Variants in MRPL18 observed in about 807,000 individuals in gnomAD.
MRPL18 encodes the protein mitochondrial ribosomal protein L18, also known as large ribosomal subunit protein uL18m.
In MRPL18, 16 loss-of-function variants were observed where a neutral mutation model predicts 20.9. The ratio of observed to expected loss-of-function variants is 0.76; its 90% CI spans 0.52 to 1.16. The LOEUF (loss-of-function observed/expected upper bound fraction) is 1.16. Among genes scored for constraint, MRPL18 ranks in the 50% most tolerant of loss-of-function variants. The pLI is 0.00. For synonymous variants in MRPL18, 91 were observed against 87.1 expected (o/e 1.04, Z -0.25); for missense variants, 233 against 230.6 (o/e 1.01, Z -0.07).
At chr6:159,794,481 G>A (rs1780983668) in intron 2 of MRPL18, among the ~76,000 whole-genome samples, 1 of 152,186 alleles carries the variant, frequency 6.6e-6, no homozygotes, top group African/African-American at 2.4e-5. Flanking sequence ...TAAGTGCTCA[G>A]TAAATGTTAA....
Position 159,790,642 on chromosome 6 carries a change from A to C in MRPL18, c.52+3A>C. On this transcript the variant is annotated splice_donor_region_variant and intron_variant, in intron 1 of 3. Transcript: ENST00000367034. ...GTTCTCGGTTTGCAGGAACCCTGGT[A>C]ATTAGTCTTGCCCCCCTTCTCCCAG... The C allele has an allele frequency of 6.2e-7, 1 of 1,613,872 alleles. No homozygotes were observed. Among genetic ancestry groups the C allele is most frequent in the Non-Finnish European group, 8.5e-7 (1 of 1,179,940 alleles).
intron 2 of MRPL18, among the ~76,000 whole-genome samples, chr6:159,794,692 T>C (rs1780987388): frequency 6.6e-6 from 1 of 152,248 alleles, no homozygotes; most frequent in Non-Finnish European, 1.5e-5. Context: ...ATATTTTTCT[T>C]TTCTGTGAAC....
At chr6:159,794,544 G>A (rs563028184) in intron 2 of MRPL18, among the ~76,000 whole-genome samples, 2 of 152,310 alleles carry the variant, frequency 1.3e-5, no homozygotes, top group East Asian at 1.9e-4. Context: ...GTAACTGTAT[G>A]GAATACTATT....
At chr6:159,794,885 C>T (rs1780991790) in intron 2 of MRPL18, among the ~76,000 whole-genome samples, 1 of 152,180 alleles carries the variant, frequency 6.6e-6, no homozygotes, top group African/African-American at 2.4e-5. Flanking sequence ...CCGCCAGCCT[C>T]TGAGTTCCCT....
In MRPL18 at chr6:159,791,127, G is replaced by T; in HGVS notation, c.239+1G>T. Reference sequence around the variant, plus strand: ...TTCCCTCCCGTGAGTTCTGGCACAGGTAATTAAATCTGCTTGTGATTGACA... The same window carrying T: ...TTCCCTCCCGTGAGTTCTGGCACAGTTAATTAAATCTGCTTGTGATTGACA... On this transcript the variant is annotated splice_donor_variant, in intron 2 of 3. Coordinates refer to ENST00000367034, the MANE Select transcript of MRPL18 (RefSeq NM_014161.5). LOFTEE classifies it high-confidence loss of function. 6.2e-7 allele frequency: 1 copy of T among 1,614,094 alleles called. No individual in the cohort carries two copies. Among genetic ancestry groups the T allele is most frequent in the Non-Finnish European group, 8.5e-7 (1 of 1,180,004 alleles).
At chr6:159,793,275 C>G (rs1446740298) in intron 2 of MRPL18, among the ~76,000 whole-genome samples, 1 of 152,128 alleles carries the variant, frequency 6.6e-6, no homozygotes, top group African/African-American at 2.4e-5. Flanking sequence ...CATAATGAAT[C>G]GGGCCCTTCA....
At chr6:159,793,860 C>T (rs560988858) in intron 2 of MRPL18, among the ~76,000 whole-genome samples, 26 of 151,414 alleles carry the variant, frequency 1.7e-4, no homozygotes, top group African/African-American at 4.8e-4. Context: ...TGCAGTGAGC[C>T]GAGATCGCGC....
chr6:159,790,806 CTG>C, intron 1 of MRPL18, 132 bp from the exon 2 acceptor site: 1 of 1,371,354 alleles, frequency 7.3e-7, no homozygotes, highest in South Asian at 1.3e-5. Flanking sequence ...TGACTCCACC[CTG>C]TGGGCATACG....
chr6:159,798,088 GT>G lies in MRPL18; in HGVS notation c.509del (p.Val170GlyfsTer16). 3 of 1,613,902 alleles carry G rather than the reference GT, an allele frequency of 1.9e-6. No individual in the cohort carries two copies. The highest frequency in any genetic ancestry group is 2.5e-6 in the Non-Finnish European group (3 of 1,179,892). ...RLQSAMTEGG[V>X]VLREPQRIYE is the part of the protein sequence containing the mutation. ...ACAAAGTGCCATGACAGAAGGTGGT[GT>G]GGTTCTACGGGAACCTCAGAGAATC... On this transcript the variant is annotated frameshift_variant, in exon 4 of 4. Transcript: ENST00000367034. LOFTEE classifies it high-confidence loss of function.
rs1336840099 is a variant in MRPL18 at position 159,798,392 on chromosome 6, T to G, written c.*269T>G. ...TTTCAAAGGGCAAGTCAGAAGTTGTTTATAAATTACAAAATAAAGGCATAT... is the reference window on the plus strand; with the variant it reads ...TTTCAAAGGGCAAGTCAGAAGTTGTGTATAAATTACAAAATAAAGGCATAT... On this transcript the variant is annotated 3_prime_UTR_variant, in exon 4 of 4. Transcript: ENST00000367034. 2.7e-6 allele frequency: 1 copy of G among 369,188 alleles called. No homozygotes were observed. The highest frequency in any genetic ancestry group is 4.9e-6 in the Non-Finnish European group (1 of 204,654). 22.9% of individuals were successfully genotyped at this position (369,188 alleles called of 1,614,324 possible). A position where few individuals can be genotyped will look rare whatever the true frequency, so the allele number is the denominator to read the frequency against.
upstream of MRPL18, chr6:159,790,418 A>G: frequency 1.3e-6 from 1 of 764,360 alleles, no homozygotes; most frequent in Non-Finnish European, 2.1e-6. Context: ...CTTCTCGGCC[A>G]CTCAGTGGCA....
At chr6:159,793,401 G>C (rs1399854966) in intron 2 of MRPL18, among the ~76,000 whole-genome samples, 1 of 151,852 alleles carries the variant, frequency 6.6e-6, no homozygotes, top group African/African-American at 2.4e-5. Flanking sequence ...AGAATATTTT[G>C]TGGCTTGGGA....
At chr6:159,790,444 C>A (rs1339297270), upstream of MRPL18, 16 of 995,906 alleles carry the variant, frequency 1.6e-5, no homozygotes, top group Admixed American at 4.2e-5. Flanking sequence ...CTTGCTACTT[C>A]CGGGTCGGTG....
rs747997437 is a variant in MRPL18 at position 159,790,542 on chromosome 6, G to A, written c.-46G>A. ...GCTGCTCCTGGCGAGCGACTGAGTCGTCCGTGAGGAAAAAGAGGCGAGGCT... is the reference window on the plus strand; with the variant it reads ...GCTGCTCCTGGCGAGCGACTGAGTCATCCGTGAGGAAAAAGAGGCGAGGCT... On this transcript the variant is annotated 5_prime_UTR_variant, in exon 1 of 4. Transcript: ENST00000367034. The A allele has an allele frequency of 1.9e-6, 3 of 1,613,808 alleles. No homozygotes were observed. The highest frequency in any genetic ancestry group is 2.2e-5 in the South Asian group (2 of 91,078).
At position 159,797,621 on chromosome 6, in the gene MRPL18, TG is replaced by T. The variant is rs1392514962; in HGVS notation, c.471+104del. 5.3e-5 allele frequency: 57 copies of T among 1,067,406 alleles called. 1 individual carries two copies. The South Asian group carries it at 7.7e-4, about 14-fold the overall frequency. 66.1% of individuals were successfully genotyped at this position (1,067,406 alleles called of 1,614,324 possible). A position where few individuals can be genotyped will look rare whatever the true frequency, so the allele number is the denominator to read the frequency against. ...GTTTTTACTTACCAAATACTTTCCA[TG>T]TGTCAGACCCTTTGGTGAGTACTCA... is the stretch of plus-strand genomic sequence containing the variant. On this transcript the variant is annotated intron_variant, in intron 3 of 3. Coordinates refer to ENST00000367034, the MANE Select transcript of MRPL18 (RefSeq NM_014161.5).
At chr6:159,796,502 A>G (rs1436714405) in intron 2 of MRPL18, among the ~76,000 whole-genome samples, 1 of 151,300 alleles carries the variant, frequency 6.6e-6, no homozygotes, top group Non-Finnish European at 1.5e-5. Flanking sequence ...AAATGGCCAT[A>G]TGAAGCTGGA....
At position 159,790,481 on chromosome 6, in the gene MRPL18, C is replaced by G. The variant is rs957962081; in HGVS notation, c.-107C>G. The stretch of plus-strand genomic sequence containing the variant: ...CGTCTGGCGTGGAGAGTTTGGGGAT[C>G]TACAGCAGCCAAAGGCTTGTCCCTG... On this transcript the variant is annotated 5_prime_UTR_variant, in exon 1 of 4. In the 5' UTR this introduces an upstream ATG that the reference lacks. Transcript: ENST00000367034. The G allele has an allele frequency of 6.1e-6, 9 of 1,481,332 alleles. No homozygotes were observed. The highest frequency in any genetic ancestry group is 1.2e-5 in the South Asian group (1 of 86,370). 91.8% of individuals were successfully genotyped at this position (1,481,332 alleles called of 1,614,324 possible). A position where few individuals can be genotyped will look rare whatever the true frequency, so the allele number is the denominator to read the frequency against.
chr6:159,791,593 C>G (rs1780901325), intron 2 of MRPL18, among the ~76,000 whole-genome samples: 1 of 152,100 alleles, frequency 6.6e-6, no homozygotes, highest in African/African-American at 2.4e-5. Context: ...AAGCTTGAGC[C>G]CGAATTGGTT....
At position 159,791,138 on chromosome 6, in the gene MRPL18, T is replaced by A; in HGVS notation, c.239+12T>A. The A allele has an allele frequency of 6.2e-7, 1 of 1,613,966 alleles. No individual in the cohort carries two copies. The highest frequency in any genetic ancestry group is 8.5e-7 in the Non-Finnish European group (1 of 1,179,922). ...GAGTTCTGGCACAGGTAATTAAATC[T>A]GCTTGTGATTGACAAGGGCAGTGCA... On this transcript the variant is annotated intron_variant, in intron 2 of 3. Transcript: ENST00000367034.
Sources: gnomAD v4.1 joint callset for allele counts (sites outside exome capture counted in the v4.1 genomes callset) on GRCh38, gnomAD v4.1.1 for gene constraint, MANE v1.5 for transcripts, NCBI Gene and HGNC (gene_info 2026-07-23, HGNC 2026-07-21) for gene names.